The following DMKN variants were observed in gnomAD, a reference collection of about 807,000 sequenced individuals.
The protein encoded by DMKN is epidermis-specific secreted protein SK30/SK89.
In DMKN, 58 loss-of-function variants were observed where a neutral mutation model predicts 67.6. That is an observed-to-expected ratio of 0.86 (90% CI 0.69 to 1.07). The LOEUF is 1.07. DMKN is among the 50% of genes least tolerant of loss of function. DMKN has a pLI of 0.00. For synonymous variants in DMKN, 240 were observed against 232.3 expected, an observed-to-expected ratio of 1.03 and a Z score of -0.30; for missense variants, 596 against 601.5, an observed-to-expected ratio of 0.99 and a Z score of 0.10.
chr19:35,503,057 GGA>G (rs1044140520), intron 9 of DMKN, among the ~76,000 whole-genome samples, 171 bp from the exon 10 acceptor site: 1 of 151,986 alleles, frequency 6.6e-6, no homozygotes, highest in African/African-American at 2.4e-5. Flanking sequence ...GGAAACACAG[GGA>G]GAGAGAGAGG....
intron 9 of DMKN, among the ~76,000 whole-genome samples, chr19:35,504,435 G>C (rs1310973073): frequency 6.6e-6 from 1 of 151,912 alleles, no homozygotes; most frequent in Non-Finnish European, 1.5e-5. Context: ...ACATTACCCG[G>C]GTGTGGTGGC....
intron 13 of DMKN, chr19:35,499,332 C>T (rs2067971759): frequency 9.1e-6 from 2 of 219,296 alleles, no homozygotes; most frequent in South Asian, 1.7e-4. Flanking sequence ...AGGGCGGGGA[C>T]TTTATTGTCA....
intron 9 of DMKN, 47 bp downstream of exon 9, chr19:35,505,671 A>G (rs777001221): frequency 3.7e-6 from 6 of 1,612,612 alleles, no homozygotes; most frequent in Admixed American, 1.7e-5. Context: ...GCGGAGGTTT[A>G]GCTTTCTTCC....
Position 35,510,546 on chromosome 19 carries a change from C to A in DMKN, c.919-294G>T, listed in dbSNP as rs557601423. ...CTGGAGCCCGGCCGCGCAGTAGCCG[C>A]GATCCTGCCACCAGGGGGCAGCAAG... On this transcript the variant is annotated intron_variant, in intron 5 of 15. Coordinates refer to ENST00000339686, the MANE Select transcript of DMKN (RefSeq NM_033317.5). The A allele has an allele frequency of 1.9e-5, 29 of 1,533,108 alleles. No homozygotes were observed. In the South Asian group the frequency reaches 3.1e-4, roughly 17 times the overall value. 95.0% of individuals were successfully genotyped at this position (1,533,108 alleles called of 1,614,324 possible).
rs1162819258 is a variant in DMKN at position 35,497,307 on chromosome 19, A to G, written c.*232T>C. The G allele has an allele frequency of 1.3e-5, 2 of 152,234 alleles. No homozygotes were observed. The highest frequency in any genetic ancestry group is 2.9e-5 in the Non-Finnish European group (2 of 68,026). The allele number at this position is 152,234 out of a possible 1,614,324, so 9.4% of individuals were successfully genotyped here. A position where few individuals can be genotyped will look rare whatever the true frequency, so the allele number is the denominator to read the frequency against. Reference sequence around the variant, plus strand: ...CCTGGAGAACTGTCACAGTGACTTCAGGTCACCAAAGGGAGGAGGTACAGA... The same window carrying G: ...CCTGGAGAACTGTCACAGTGACTTCGGGTCACCAAAGGGAGGAGGTACAGA... On this transcript the variant is annotated 3_prime_UTR_variant, in exon 16 of 16. Coordinates refer to ENST00000339686, the MANE Select transcript of DMKN (RefSeq NM_033317.5).
At chr19:35,503,020 C>T in intron 9 of DMKN, 134 bp from the exon 10 acceptor site, 1 of 1,059,858 alleles carries the variant, frequency 9.4e-7, no homozygotes, top group East Asian at 2.6e-5. Context: ...AGCTGAGAGT[C>T]TTTAGGGACA....
intron 1 of DMKN, 54 bp downstream of exon 1, chr19:35,512,996 C>G: frequency 6.3e-7 from 1 of 1,599,102 alleles, no homozygotes; most frequent in South Asian, 1.1e-5. Context: ...CCAAGAATCT[C>G]AGCCCAGCAG....
chr19:35,505,933 A>ACT lies in DMKN; in HGVS notation c.1086+4_1086+5dup. On this transcript the variant is annotated splice_donor_region_variant and intron_variant, in intron 8 of 15. Transcript: ENST00000339686. Reference sequence around the variant, plus strand: ...CGAGTGAACAGAGCCATCTCGCAGAACTCACCTTCCAGAAAGTGTCAAAGT... The same window carrying ACT: ...CGAGTGAACAGAGCCATCTCGCAGAACTCTCACCTTCCAGAAAGTGTCAAAGT... The ACT allele has an allele frequency of 6.2e-7, 1 of 1,614,208 alleles. No homozygotes were observed. Among genetic ancestry groups the ACT allele is most frequent in the East Asian group, 2.2e-5 (1 of 44,878 alleles).
At chr19:35,510,643 A>G (rs2070585179) in intron 5 of DMKN, 2 of 1,263,084 alleles carry the variant, frequency 1.6e-6, no homozygotes, top group Non-Finnish European at 1.1e-6. Context: ...GAACTGCCCT[A>G]GATGGGGGAG....
intron 9 of DMKN, among the ~76,000 whole-genome samples, chr19:35,505,077 G>A (rs1320081540): frequency 2.0e-5 from 3 of 149,796 alleles, no homozygotes; most frequent in South Asian, 2.1e-4. Flanking sequence ...ATCACGAATC[G>A]CAGCTTCTGC....
In DMKN at chr19:35,513,426, CCCAGGCAGAGGG is replaced by C; in HGVS notation, c.38_49del (p.Ala13_Leu16del). On this transcript the variant is annotated inframe_deletion, in exon 1 of 16. Coordinates refer to ENST00000339686, the MANE Select transcript of DMKN (RefSeq NM_033317.5). The stretch of plus-strand genomic sequence containing the variant: ...CTGCAGGGGGCCAGCCTCCCCACTG[CCCAGGCAGAGGG>C]CCAGCAGGAGGCAGGCCAGGGGCCC... 1 of 1,603,360 alleles carries C rather than the reference CCCAGGCAGAGGG, an allele frequency of 6.2e-7. No homozygotes were observed. Among genetic ancestry groups the C allele is most frequent in the Non-Finnish European group, 8.5e-7 (1 of 1,179,932 alleles).
intron 7 of DMKN, chr19:35,508,057 C>T: frequency 9.9e-7 from 1 of 1,010,598 alleles, no homozygotes; most frequent in Non-Finnish European, 1.5e-6. Context: ...ATGGCCAGAC[C>T]CATCAGTACT....
intron 7 of DMKN, chr19:35,508,067 T>A (rs2069942356): frequency 9.6e-6 from 11 of 1,150,208 alleles, no homozygotes; most frequent in Non-Finnish European, 1.4e-5. Flanking sequence ...CCATCAGTAC[T>A]TCCTCGTTCC....
chr19:35,508,263 A>G (rs755580556), intron 7 of DMKN: 1 of 1,552,070 alleles, frequency 6.4e-7, no homozygotes, highest in South Asian at 1.2e-5. Context: ...ACAAAGAAAC[A>G]CAGACCCCTG....
chr19:35,511,882 C>G (rs1226018250), intron 3 of DMKN, 69 bp from the exon 4 acceptor site: 1 of 1,485,610 alleles, frequency 6.7e-7, no homozygotes, highest in Non-Finnish European at 9.1e-7. Context: ...GCCATGGACA[C>G]AGGCCAGGCC....
At position 35,511,473 on chromosome 19, in the gene DMKN, TGC is replaced by T; in HGVS notation, c.854_855del (p.Ser285LysfsTer14). 2 of 937,662 alleles carry T rather than the reference TGC, an allele frequency of 2.1e-6. No homozygotes were observed. The highest frequency in any genetic ancestry group is 4.1e-5 in the Admixed American group (1 of 24,154). 58.1% of individuals were successfully genotyped at this position (937,662 alleles called of 1,614,324 possible). A position where few individuals can be genotyped will look rare whatever the true frequency, so the allele number is the denominator to read the frequency against. On this transcript the variant is annotated frameshift_variant, in exon 5 of 16. Coordinates refer to ENST00000339686, the MANE Select transcript of DMKN (RefSeq NM_033317.5). LOFTEE classifies it high-confidence loss of function. ...CCACTGTTGCCACTGCTGCCACCAC[TGC>T]TGCCGCCACTGCTGCCGCCACTGCT... is the stretch of plus-strand genomic sequence containing the variant. ...GSSSGGSSGG[S>X]SGGSSGNSGG...
In DMKN at chr19:35,502,851, G is replaced by A. The variant is rs749463512; in HGVS notation, c.1170C>T (p.Leu390=). The A allele has an allele frequency of 1.2e-6, 2 of 1,614,112 alleles. No individual in the cohort carries two copies. Among genetic ancestry groups the A allele is most frequent in the East Asian group, 4.5e-5 (2 of 44,880 alleles). The stretch of plus-strand genomic sequence containing the variant: ...CTACCTCCCAGAGTCGGCTGAAGTA[G>A]AGGAGGGCTCGGGTGCTGGGGGGCG... ...QVPPPSTRAL[L]YFSRLWEDFK... Residue 390 remains leucine (L), a synonymous_variant, in exon 10 of 16, where the codon CTC becomes CTT. Transcript: ENST00000339686.
chr19:35,505,636 C>A, intron 9 of DMKN, 82 bp downstream of exon 9: 1 of 1,579,846 alleles, frequency 6.3e-7, no homozygotes, highest in Non-Finnish European at 8.7e-7. Context: ...CAGTGGCCAG[C>A]ATCACTGTTT....
rs1293322241 is a variant in DMKN, at chr19:35,510,604, G to A, written c.919-352C>T. 2.8e-6 allele frequency: 4 copies of A among 1,454,524 alleles called. No individual in the cohort carries two copies. In the African/African-American group the frequency reaches 4.3e-5, roughly 15 times the overall value. 90.1% of individuals were successfully genotyped at this position (1,454,524 alleles called of 1,614,324 possible). On this transcript the variant is annotated intron_variant, in intron 5 of 15. Coordinates refer to ENST00000339686, the MANE Select transcript of DMKN (RefSeq NM_033317.5). ...GACCCTAGAGCCCTCACCTGGGAGC[G>A]GCCGTAGCTGCCTTGGTCACCATTC...
Sources: allele counts gnomAD v4.1 joint callset (sites outside exome capture counted in the v4.1 genomes callset), GRCh38; gene constraint gnomAD v4.1.1; transcripts MANE v1.5; gene names NCBI Gene and HGNC (gene_info 2026-07-23, HGNC 2026-07-21).